Variants in WDR41 observed in about 807,000 individuals in gnomAD.
WDR41 encodes the protein WD repeat-containing protein 41.
A neutral mutation model predicts 69.3 loss-of-function variants in WDR41; 63 were observed. The ratio of observed to expected loss-of-function variants is 0.91; its 90% CI spans 0.74 to 1.12. The LOEUF (loss-of-function observed/expected upper bound fraction) is 1.12, where lower values mean the gene tolerates loss of function less well. WDR41 is among the 50% of genes most tolerant of loss of function. The probability of loss-of-function intolerance (pLI) is 0.00; values close to 1 mark genes in which losing one functional copy is unlikely to be tolerated. For missense variants in WDR41, 543 were observed against 534.5 expected, an observed-to-expected ratio of 1.02 and a Z score of -0.16; for synonymous variants, 185 against 192.1, an observed-to-expected ratio of 0.96 and a Z score of 0.31.
intron 5 of WDR41, 40 bp from the exon 6 acceptor site, chr5:77,453,968 T>A: frequency 6.7e-7 from 1 of 1,483,378 alleles, no homozygotes; most frequent in Non-Finnish European, 9.4e-7. Flanking sequence ...GTTAGAAACT[T>A]AAGCAGTCAT....
chr5:77,605,788 A>G (rs969941640), intron 1 of WDR41, among the ~76,000 whole-genome samples: 2 of 152,180 alleles, frequency 1.3e-5, no homozygotes, highest in African/African-American at 4.8e-5. Context: ...AGTCTCCATT[A>G]TCTGTCAAAT....
At chr5:77,523,731 C>T (rs1359682204) in intron 1 of WDR41, among the ~76,000 whole-genome samples, 1 of 152,074 alleles carries the variant, frequency 6.6e-6, no homozygotes, top group African/African-American at 2.4e-5. Context: ...CACCCATAAC[C>T]ATGCCGAAAA....
chr5:77,555,825 C>T (rs1197842164), intron 1 of WDR41, among the ~76,000 whole-genome samples: 1 of 152,170 alleles, frequency 6.6e-6, no homozygotes, highest in Admixed American at 6.5e-5. Context: ...CTATTTCAAT[C>T]AAAATCCTAA....
At chr5:77,505,086 TC>T (rs1192021684) in intron 1 of WDR41, among the ~76,000 whole-genome samples, 8 of 152,158 alleles carry the variant, frequency 5.3e-5, no homozygotes, top group Non-Finnish European at 1.2e-4. Flanking sequence ...AGTCAAATTG[TC>T]CCTGTTTGCA....
chr5:77,488,042 T>A (rs1801602127), intron 2 of WDR41, among the ~76,000 whole-genome samples: 1 of 152,198 alleles, frequency 6.6e-6, no homozygotes, highest in Non-Finnish European at 1.5e-5. Flanking sequence ...TCTTTTATAA[T>A]AAAACTGTAA....
At position 77,489,524 on chromosome 5, in the gene WDR41, T is replaced by C. The variant is rs773102139; in HGVS notation, c.100A>G (p.Thr34Ala). 6.2e-7 allele frequency: 1 copy of C among 1,607,786 alleles called. No individual in the cohort carries two copies. Among genetic ancestry groups the C allele is most frequent in the South Asian group, 1.1e-5 (1 of 89,776 alleles). The change falls in exon 2 of 13, where the codon ACT becomes GCT. Residue 34 changes from threonine (T) to alanine (A), a missense_variant. By Grantham distance (58) the Thr-to-Ala change is moderately conservative. Transcript: ENST00000296679. ...IGEEQTQNPY[T>A]ELLVLKAHHD... ...TGAGCCTTCAGTACTAGCAGTTCAGTGTAGGGATTCTGGGTTTGTTCTTCA... is the reference window on the plus strand; with the variant it reads ...TGAGCCTTCAGTACTAGCAGTTCAGCGTAGGGATTCTGGGTTTGTTCTTCA...
chr5:77,450,795 G>T (rs3797638), intron 7 of WDR41, among the ~76,000 whole-genome samples: 58,326 of 151,984 alleles, frequency 0.38, 11,261 homozygotes, highest in Admixed American at 0.41. Flanking sequence ...AATTACGAAA[G>T]TATCTTTTCT....
chr5:77,449,693 C>G (rs1017192606), intron 8 of WDR41, 67 bp downstream of exon 8: 2 of 999,972 alleles, frequency 2.0e-6, no homozygotes, highest in Non-Finnish European at 3.1e-6. Context: ...AAGCAAGGCT[C>G]GTGTTCAGAG....
chr5:77,619,418 C>G (rs1160562277), intron 1 of WDR41, among the ~76,000 whole-genome samples: 1 of 152,190 alleles, frequency 6.6e-6, no homozygotes, highest in South Asian at 2.1e-4. Context: ...TTGTCTCAAC[C>G]TATCCCTGTG....
intron 1 of WDR41, among the ~76,000 whole-genome samples, chr5:77,617,455 G>A (rs1744699114): frequency 1.3e-5 from 2 of 152,084 alleles, no homozygotes; most frequent in Admixed American, 6.6e-5. Flanking sequence ...AGCATCTATA[G>A]AATCAGACAT....
intron 2 of WDR41, among the ~76,000 whole-genome samples, chr5:77,474,419 TA>T (rs1485245950): frequency 6.6e-6 from 1 of 150,754 alleles, no homozygotes; most frequent in Non-Finnish European, 1.5e-5. Context: ...ACATGTACCC[TA>T]AAACTTAAAG....
chr5:77,593,423 G>A (rs1744166770), intron 1 of WDR41, among the ~76,000 whole-genome samples: 3 of 152,106 alleles, frequency 2.0e-5, no homozygotes, highest in African/African-American at 7.2e-5. Flanking sequence ...CATTACAAAA[G>A]ACAGATGATG....
intron 1 of WDR41, among the ~76,000 whole-genome samples, chr5:77,556,437 T>C (rs1353406100): frequency 1.3e-5 from 2 of 152,200 alleles, no homozygotes; most frequent in East Asian, 3.9e-4. Context: ...AGGTGGAGTC[T>C]CGCTCTACTG....
chr5:77,552,673 T>G (rs559364773), intron 1 of WDR41, among the ~76,000 whole-genome samples: 1 of 152,066 alleles, frequency 6.6e-6, no homozygotes, highest in South Asian at 2.1e-4. Flanking sequence ...ATCAAGAGAG[T>G]GTGGTGTGGG....
chr5:77,499,055 AC>A (rs1801978404), intron 1 of WDR41, among the ~76,000 whole-genome samples: 1 of 152,150 alleles, frequency 6.6e-6, no homozygotes, highest in Admixed American at 6.5e-5. Flanking sequence ...TATATAAAGA[AC>A]CCTGAAAACT....
rs758755996 is a variant in WDR41 at position 77,440,788 on chromosome 5, TATAG to T, written c.882+21_882+24del. ...GGGTTATATATGTCAAAGGCAAGTT[TATAG>T]ATAGTGTATACATTTTTTACCTCTT... is the stretch of plus-strand genomic sequence containing the variant. On this transcript the variant is annotated intron_variant, in intron 9 of 12. Transcript: ENST00000296679. The T allele has an allele frequency of 7.5e-6, 12 of 1,610,692 alleles. No individual in the cohort carries two copies. In the East Asian group the frequency reaches 1.1e-4, roughly 15 times the overall value.
intron 1 of WDR41, among the ~76,000 whole-genome samples, chr5:77,578,413 A>T (rs1021577392): frequency 1.3e-5 from 2 of 152,212 alleles, no homozygotes; most frequent in Non-Finnish European, 2.9e-5. Context: ...TATGTTATTT[A>T]AAATGTCCAT....
chr5:77,434,671 T>C (rs1252412402), intron 12 of WDR41, among the ~76,000 whole-genome samples: 6 of 151,962 alleles, frequency 3.9e-5, no homozygotes, highest in African/African-American at 1.5e-4. Flanking sequence ...CACTCCAGCC[T>C]GGGCAACAGA....
upstream of WDR41, among the ~76,000 whole-genome samples, chr5:77,494,243 A>G (rs1801904940): frequency 6.6e-6 from 1 of 152,244 alleles, no homozygotes; most frequent in South Asian, 2.1e-4. Context: ...GATGGCAGTA[A>G]TAGAGAAAAT....
Sources: allele counts gnomAD v4.1 joint callset (sites outside exome capture counted in the v4.1 genomes callset), GRCh38; gene constraint gnomAD v4.1.1; transcripts MANE v1.5; gene names NCBI Gene and HGNC (gene_info 2026-07-23, HGNC 2026-07-21).